The following FAM107B variants were observed in gnomAD, a reference collection of about 807,000 sequenced individuals.
FAM107B encodes the protein protein FAM107B.
Under a neutral mutation model 31.5 loss-of-function variants are expected in FAM107B, and 21 were observed. The ratio of observed to expected loss-of-function variants is 0.67; its 90% confidence interval spans 0.47 to 0.96. FAM107B has a LOEUF of 0.96. Among genes scored for constraint, FAM107B ranks in the 40% least tolerant of loss-of-function variants. The pLI, the probability that FAM107B is intolerant of heterozygous loss-of-function variation, is 0.00. For synonymous variants in FAM107B, 157 were observed against 141.5 expected (o/e 1.11, Z -0.78); for missense variants, 452 against 377.1 (o/e 1.20, Z -1.64).
chr10:14,705,737 G>A (rs775245142), intron 1 of FAM107B, among the ~76,000 whole-genome samples: 21 of 152,072 alleles, frequency 1.4e-4, no homozygotes, highest in Admixed American at 1.3e-4. Context: ...AAGTTGTTTA[G>A]TGGGTACAGA....
intron 1 of FAM107B, among the ~76,000 whole-genome samples, chr10:14,718,391 AAGGAAAGGAAGAAAGAAAG>A (rs1855829676): frequency 6.7e-6 from 1 of 150,070 alleles, no homozygotes; most frequent in Non-Finnish European, 1.5e-5. Flanking sequence ...AAAGGAAAGA[AAGGAAAGGAAGAAAGAAAG>A]AGGAAAGAAA....
At chr10:14,562,403 G>A (rs1482619213) in intron 2 of FAM107B, among the ~76,000 whole-genome samples, 1 of 152,252 alleles carries the variant, frequency 6.6e-6, no homozygotes, top group Non-Finnish European at 1.5e-5. Context: ...AGCTGGAGAA[G>A]TCAGTGATAA....
intron 1 of FAM107B, among the ~76,000 whole-genome samples, chr10:14,753,644 G>A (rs1426503516): frequency 2.0e-5 from 3 of 151,832 alleles, no homozygotes; most frequent in Non-Finnish European, 4.4e-5. Context: ...AAGGGGAAAG[G>A]AATGAAATAA....
At chr10:14,550,252 C>T (rs1849130547) in intron 2 of FAM107B, among the ~76,000 whole-genome samples, 1 of 152,158 alleles carries the variant, frequency 6.6e-6, no homozygotes, top group Non-Finnish European at 1.5e-5. Context: ...ATCCTCAAGT[C>T]AATTCTCTGT....
chr10:14,623,255 A>T (rs1419328883), intron 2 of FAM107B, among the ~76,000 whole-genome samples: 1 of 152,232 alleles, frequency 6.6e-6, no homozygotes, highest in Non-Finnish European at 1.5e-5. Flanking sequence ...ATTCTTCTTA[A>T]GCAAACAACT....
At chr10:14,673,004 A>C (rs965690234) in intron 1 of FAM107B, among the ~76,000 whole-genome samples, 2 of 152,216 alleles carry the variant, frequency 1.3e-5, no homozygotes. Context: ...CCATTCTTTT[A>C]AATGGACACA....
At chr10:14,586,288 C>T (rs565711020) in intron 2 of FAM107B, among the ~76,000 whole-genome samples, 1 of 152,118 alleles carries the variant, frequency 6.6e-6, no homozygotes, top group Non-Finnish European at 1.5e-5. Context: ...AAGAATCCTA[C>T]CTGTAGCAAA....
intron 1 of FAM107B, among the ~76,000 whole-genome samples, chr10:14,721,094 G>A (rs553238371): frequency 6.6e-6 from 1 of 152,194 alleles, no homozygotes; most frequent in African/African-American, 2.4e-5. Flanking sequence ...AACATGCGGT[G>A]TTTTGTTTTC....
chr10:14,547,363 A>T (rs2131026758), intron 2 of FAM107B, among the ~76,000 whole-genome samples: 1 of 152,294 alleles, frequency 6.6e-6, no homozygotes. Flanking sequence ...ACAGCCAGTC[A>T]TTCTATCATT....
intron 2 of FAM107B, among the ~76,000 whole-genome samples, chr10:14,616,996 G>A (rs1852871147): frequency 6.6e-6 from 1 of 151,922 alleles, no homozygotes. Flanking sequence ...GCAGGTGGGT[G>A]AATAAGAGAA....
chr10:14,625,256 G>A (rs1045516220), intron 2 of FAM107B, among the ~76,000 whole-genome samples: 12 of 100,222 alleles, frequency 1.2e-4, no homozygotes, highest in African/African-American at 1.8e-4. Context: ...TGTCGTGTGC[G>A]TGCGTGTGTG....
chr10:14,767,037 TATATATATATATATATATAGAG>T (rs1420185596), intron 1 of FAM107B, among the ~76,000 whole-genome samples: 1 of 31,148 alleles, frequency 3.2e-5, no homozygotes, highest in African/African-American at 8.3e-5. Context: ...TATATATATA[TATATATATATATATATATAGAG>T]AGAGAGAGAG....
At chr10:14,766,229 T>G (rs935606119) in intron 1 of FAM107B, among the ~76,000 whole-genome samples, 1 of 152,142 alleles carries the variant, frequency 6.6e-6, no homozygotes, top group Middle Eastern at 3.2e-3. Flanking sequence ...ACTAAGGAAC[T>G]GAAACTAAAT....
At chr10:14,667,745 T>A in intron 1 of FAM107B, 54 bp from the exon 2 acceptor site, 1 of 1,573,366 alleles carries the variant, frequency 6.4e-7, no homozygotes, top group Non-Finnish European at 8.7e-7. Context: ...AAATATGCAT[T>A]AATGTAAGGC....
At chr10:14,566,877 C>T (rs180815173) in intron 2 of FAM107B, among the ~76,000 whole-genome samples, 3 of 152,252 alleles carry the variant, frequency 2.0e-5, no homozygotes, top group East Asian at 1.9e-4. Context: ...TGGGGCCGGG[C>T]GCGGTGGCTC....
At chr10:14,654,517 A>G (rs945731493) in intron 2 of FAM107B, among the ~76,000 whole-genome samples, 6 of 152,232 alleles carry the variant, frequency 3.9e-5, no homozygotes, top group Admixed American at 3.3e-4. Flanking sequence ...GGTGAAGGAT[A>G]AGAAATCAGA....
chr10:14,626,863 A>G (rs1485749713), intron 2 of FAM107B, among the ~76,000 whole-genome samples: 1 of 152,142 alleles, frequency 6.6e-6, no homozygotes, highest in Non-Finnish European at 1.5e-5. Flanking sequence ...ACTATGGAGC[A>G]CATTGTCGAT....
At chr10:14,649,068 G>C (rs1588681850) in intron 2 of FAM107B, among the ~76,000 whole-genome samples, 1 of 152,294 alleles carries the variant, frequency 6.6e-6, no homozygotes, top group East Asian at 1.9e-4. Context: ...TCTTGGCCAA[G>C]GGCATTCTAA....
intron 2 of FAM107B, among the ~76,000 whole-genome samples, chr10:14,637,879 C>T (rs1853540337): frequency 6.6e-6 from 1 of 152,118 alleles, no homozygotes; most frequent in African/African-American, 2.4e-5. Context: ...ATTCTTCCAA[C>T]AAGAGTGGAT....
Sources: allele counts gnomAD v4.1 joint callset (sites outside exome capture counted in the v4.1 genomes callset), GRCh38; gene constraint gnomAD v4.1.1; transcripts MANE v1.5; gene names NCBI Gene and HGNC (gene_info 2026-07-23, HGNC 2026-07-21).